RGL1: variants seen among roughly 807,000 people sequenced by gnomAD.
RGL1 encodes the protein ral guanine nucleotide dissociation stimulator-like 1.
Under a neutral mutation model 95.2 loss-of-function variants are expected in RGL1, and 24 were observed. The ratio of observed to expected loss-of-function variants is 0.25; its 90% CI spans 0.18 to 0.35. The LOEUF (loss-of-function observed/expected upper bound fraction) is 0.35. Ranked by LOEUF, RGL1 falls within the 10% of genes least tolerant of loss-of-function variation. The probability of loss-of-function intolerance (pLI) is 1.00; values close to 1 mark genes in which losing one functional copy is unlikely to be tolerated. For synonymous variants in RGL1, 329 were observed against 344.9 expected (o/e 0.95, Z 0.51); for missense variants, 715 against 936.3 (o/e 0.76, Z 3.08).
Position 183,724,663 on chromosome 1 carries a change from G to A in RGL1, c.-32-17463G>A, listed in dbSNP as rs1477939482. On this transcript the variant is annotated intron_variant, in intron 1 of 18. Coordinates refer to the RGL1 transcript ENST00000304685. This position sits in a 1 kb window ranked among gnomAD's most constrained non-coding sequence, Gnocchi z 4.1. Reference sequence around the variant, plus strand: ...ACAGCAGCAGTAGAATAGAGCACCAGGGAGATTCCTAAGATTTCCAACTCT... The same window carrying A: ...ACAGCAGCAGTAGAATAGAGCACCAAGGAGATTCCTAAGATTTCCAACTCT... Among the ~76,000 whole-genome samples, 1 of 152,070 alleles carries A rather than the reference G, an allele frequency of 6.6e-6. No homozygotes were observed. The highest frequency in any genetic ancestry group is 1.5e-5 in the Non-Finnish European group (1 of 67,994).
At chr1:183,880,505 C>A (rs942628701) in intron 4 of RGL1, 111 bp from the exon 5 acceptor site, 2 of 794,402 alleles carry the variant, frequency 2.5e-6, no homozygotes, top group Non-Finnish European at 4.1e-6. Context: ...GATCTGTTGA[C>A]CACCCACCCA....
intron 2 of RGL1, among the ~76,000 whole-genome samples, chr1:183,815,982 G>A (rs1662059713): frequency 1.3e-5 from 2 of 152,110 alleles, no homozygotes; most frequent in Admixed American, 1.3e-4. Flanking sequence ...TATTAGCAAG[G>A]TTTTAGGACA....
chr1:183,789,883 G>A (rs934724034), intron 2 of RGL1, among the ~76,000 whole-genome samples: 10 of 145,260 alleles, frequency 6.9e-5, no homozygotes, highest in African/African-American at 2.5e-4. Context: ...AGCAAAAACC[G>A]CAATTACATT....
At chr1:183,764,402 T>C (rs965251153) in intron 2 of RGL1, among the ~76,000 whole-genome samples, 2 of 152,148 alleles carry the variant, frequency 1.3e-5, no homozygotes, top group Non-Finnish European at 2.9e-5. Flanking sequence ...TTATTATGGG[T>C]GAGGGGTCTG....
chr1:183,689,883 G>C (rs1240080051), intron 1 of RGL1, among the ~76,000 whole-genome samples: 1 of 152,164 alleles, frequency 6.6e-6, no homozygotes, highest in African/African-American at 2.4e-5. Context: ...AAACTGCAGA[G>C]ATGTGAGGTA....
chr1:183,691,411 G>A (rs1427531532), intron 1 of RGL1, among the ~76,000 whole-genome samples: 1 of 152,178 alleles, frequency 6.6e-6, no homozygotes, highest in Non-Finnish European at 1.5e-5. Flanking sequence ...TGTTGCAATT[G>A]TGAGTTAAGG....
At chr1:183,887,506 A>G (rs749195878) in intron 7 of RGL1, among the ~76,000 whole-genome samples, 6 of 152,164 alleles carry the variant, frequency 3.9e-5, no homozygotes, top group Non-Finnish European at 5.9e-5. Context: ...ACGTGCTCAC[A>G]TGGTGTACTC....
intron 17 of RGL1, 41 bp from the exon 18 acceptor site, chr1:183,926,064 C>A (rs200888969): frequency 1.3e-6 from 2 of 1,576,212 alleles, no homozygotes; most frequent in East Asian, 2.2e-5. Context: ...CTGAGCTGAC[C>A]TCCACAAGCT....
At chr1:183,829,743 A>G (rs6424913) in intron 2 of RGL1, among the ~76,000 whole-genome samples, 51,342 of 151,964 alleles carry the variant, frequency 0.34, 9,567 homozygotes, top group Non-Finnish European at 0.42. Flanking sequence ...ACTTCTTTTT[A>G]TCCTTCTTGT....
At chr1:183,670,038 C>T (rs1174674) in intron 1 of RGL1, among the ~76,000 whole-genome samples, 44,596 of 151,880 alleles carry the variant, frequency 0.29, 7,045 homozygotes, top group Middle Eastern at 0.38. Context: ...CACAGCCAAA[C>T]CATATCAGGG....
intron 1 of RGL1, among the ~76,000 whole-genome samples, chr1:183,727,717 C>G (rs984333517): frequency 4.6e-5 from 7 of 152,114 alleles, no homozygotes; most frequent in African/African-American, 1.4e-4. Context: ...CTTCATGAAT[C>G]TACCAAAAAC....
chr1:183,852,326 T>C (rs1462362614), intron 3 of RGL1, among the ~76,000 whole-genome samples: 1 of 152,198 alleles, frequency 6.6e-6, no homozygotes, highest in East Asian at 1.9e-4. Context: ...GTATAGCTAA[T>C]TCCATGTGTT....
chr1:183,908,000 GAACAA>G (rs1289384028), intron 14 of RGL1, among the ~76,000 whole-genome samples: 4 of 151,138 alleles, frequency 2.6e-5, no homozygotes, highest in South Asian at 4.2e-4. Flanking sequence ...CTGTCTCTAA[GAACAA>G]AACAAAACAA....
chr1:183,698,636 A>C (rs1163881169), intron 1 of RGL1, among the ~76,000 whole-genome samples: 2 of 152,232 alleles, frequency 1.3e-5, no homozygotes, highest in Non-Finnish European at 2.9e-5. Flanking sequence ...ATTATTTTGA[A>C]ATGCTACAAC....
chr1:183,641,675 T>C (rs1470255407), intron 1 of RGL1, among the ~76,000 whole-genome samples: 1 of 152,242 alleles, frequency 6.6e-6, no homozygotes, highest in Non-Finnish European at 1.5e-5. Context: ...TGTAAATGAA[T>C]TTAGATTTCC....
At chr1:183,744,858 C>T (rs950179808) in intron 2 of RGL1, among the ~76,000 whole-genome samples, 12 of 152,050 alleles carry the variant, frequency 7.9e-5, no homozygotes, top group Admixed American at 1.3e-4. Flanking sequence ...CATTTTTCCT[C>T]GTGAACATAT....
chr1:183,879,195 A>G (rs373122048), intron 4 of RGL1, among the ~76,000 whole-genome samples: 5 of 150,080 alleles, frequency 3.3e-5, no homozygotes, highest in Admixed American at 2.0e-4. Context: ...AACGTTCCAC[A>G]TTAGTGAAAC....
chr1:183,889,195 C>T (rs545797236), intron 8 of RGL1, among the ~76,000 whole-genome samples: 131 of 152,138 alleles, frequency 8.6e-4, no homozygotes, highest in African/African-American at 2.9e-3. Flanking sequence ...CTTCCATTTC[C>T]GGAACTTCAC....
chr1:183,915,312 A>C (rs1410889112), intron 15 of RGL1, among the ~76,000 whole-genome samples: 1 of 152,252 alleles, frequency 6.6e-6, no homozygotes, highest in East Asian at 1.9e-4. Context: ...GGTATAATTT[A>C]GCTTAAGTCA....
Sources: gnomAD v4.1 joint callset for allele counts (sites outside exome capture counted in the v4.1 genomes callset) on GRCh38, gnomAD v4.1.1 for gene constraint, Gnocchi (gnomAD v3.1) non-coding constraint, MANE v1.5 for transcripts, NCBI Gene and HGNC (gene_info 2026-07-23, HGNC 2026-07-21) for gene names.